GALNT17: variants seen among roughly 807,000 people sequenced by gnomAD.
GALNT17 encodes UDP-GalNAc:polypeptide N-acetylgalactosaminyltransferase-like 3.
Under a neutral mutation model 63.7 loss-of-function variants are expected in GALNT17, and 29 were observed. The observed-to-expected ratio is 0.46, with a 90% CI of 0.34 to 0.62. GALNT17 has a LOEUF of 0.62. Ranked by LOEUF, GALNT17 falls within the 20% of genes least tolerant of loss-of-function variation. GALNT17 has a pLI of 0.01. For synonymous variants in GALNT17, 305 were observed against 318.3 expected (o/e 0.96, Z 0.45); for missense variants, 603 against 799.6 (o/e 0.75, Z 2.97).
chr7:71,525,997 CCCAAAG>C (rs1788617994), intron 5 of GALNT17, among the ~76,000 whole-genome samples: 1 of 152,010 alleles, frequency 6.6e-6, no homozygotes, highest in Admixed American at 6.6e-5. Flanking sequence ...GCCTCGGCCT[CCCAAAG>C]TGCTGGGATT....
chr7:71,424,276 GT>G (rs1158286546), intron 5 of GALNT17, among the ~76,000 whole-genome samples: 43 of 152,242 alleles, frequency 2.8e-4, no homozygotes, highest in African/African-American at 1.0e-3. Context: ...CAGACAGTGA[GT>G]TTCATGTGTT....
intron 1 of GALNT17, among the ~76,000 whole-genome samples, chr7:71,284,858 T>A (rs1297219884): frequency 6.6e-6 from 1 of 152,140 alleles, no homozygotes; most frequent in Admixed American, 6.5e-5. Context: ...TCATTGCATT[T>A]GTTTTTGTGA....
intron 6 of GALNT17, among the ~76,000 whole-genome samples, chr7:71,662,735 T>C (rs1028689010): frequency 6.6e-6 from 1 of 152,270 alleles, no homozygotes; most frequent in African/African-American, 2.4e-5. Flanking sequence ...TATCCCATCA[T>C]ATGGATATGT....
intron 1 of GALNT17, among the ~76,000 whole-genome samples, chr7:71,319,611 A>G (rs987543391): frequency 1.3e-5 from 2 of 152,082 alleles, no homozygotes; most frequent in African/African-American, 4.8e-5. Flanking sequence ...CTTCATTTGG[A>G]TGTCTACTAG....
At chr7:71,614,176 ACC>A (rs1262855350) in intron 6 of GALNT17, among the ~76,000 whole-genome samples, 4 of 152,266 alleles carry the variant, frequency 2.6e-5, no homozygotes, top group African/African-American at 9.6e-5. Flanking sequence ...AGTTGGATCA[ACC>A]CAAATTTTCC....
intron 5 of GALNT17, among the ~76,000 whole-genome samples, chr7:71,509,172 C>T (rs943830412): frequency 6.6e-6 from 1 of 152,150 alleles, no homozygotes; most frequent in Non-Finnish European, 1.5e-5. Flanking sequence ...ATACAGTATT[C>T]AATAAATTAC....
At chr7:71,454,075 G>A (rs936302009) in intron 5 of GALNT17, among the ~76,000 whole-genome samples, 8 of 152,108 alleles carry the variant, frequency 5.3e-5, no homozygotes, top group Non-Finnish European at 8.8e-5. Flanking sequence ...AAGAATGATC[G>A]GGTTCATACA....
intron 9 of GALNT17, among the ~76,000 whole-genome samples, chr7:71,689,391 G>A (rs1363135111): frequency 2.0e-5 from 3 of 152,148 alleles, no homozygotes; most frequent in East Asian, 1.9e-4. Flanking sequence ...GTGAACACAC[G>A]AATGCTAAGA....
chr7:71,561,824 G>A (rs889638553), intron 5 of GALNT17, among the ~76,000 whole-genome samples: 1 of 152,114 alleles, frequency 6.6e-6, no homozygotes, highest in African/African-American at 2.4e-5. Flanking sequence ...CATCCAAGCG[G>A]GAGAATGTCA....
intron 6 of GALNT17, among the ~76,000 whole-genome samples, chr7:71,598,038 A>G (rs1221266536): frequency 6.6e-6 from 1 of 150,802 alleles, no homozygotes. Flanking sequence ...TCCACCTCCC[A>G]GGTTCAAATA....
At chr7:71,410,603 T>G (rs1156883050) in intron 3 of GALNT17, among the ~76,000 whole-genome samples, 1 of 152,238 alleles carries the variant, frequency 6.6e-6, no homozygotes. Flanking sequence ...GGTCAATACT[T>G]GCTCCTGAGC....
intron 5 of GALNT17, among the ~76,000 whole-genome samples, chr7:71,500,838 C>T (rs1019997078): frequency 3.3e-5 from 5 of 152,068 alleles, no homozygotes; most frequent in African/African-American, 4.8e-5. Context: ...TAGTAAGAGC[C>T]GTAGTTTAGC....
intron 5 of GALNT17, among the ~76,000 whole-genome samples, chr7:71,523,411 A>G (rs192919299): frequency 2.7e-4 from 41 of 152,320 alleles, no homozygotes; most frequent in Admixed American, 1.2e-3. Flanking sequence ...CATGGGTGAC[A>G]GAGCGAGACC....
At chr7:71,630,602 G>T (rs760003652) in intron 6 of GALNT17, among the ~76,000 whole-genome samples, 7 of 152,284 alleles carry the variant, frequency 4.6e-5, no homozygotes, top group Non-Finnish European at 1.0e-4. Context: ...TGTTTGCATG[G>T]AATGTAAAAA....
chr7:71,455,218 AAAGG>A (rs1787332954), intron 5 of GALNT17, among the ~76,000 whole-genome samples: 2 of 151,876 alleles, frequency 1.3e-5, no homozygotes, highest in Admixed American at 6.6e-5. Context: ...TGAAACCATC[AAAGG>A]GAGGGGCAGC....
intron 5 of GALNT17, among the ~76,000 whole-genome samples, chr7:71,541,342 C>T (rs1317568928): frequency 2.0e-5 from 3 of 151,820 alleles, no homozygotes; most frequent in Non-Finnish European, 4.4e-5. Flanking sequence ...CACCTGAGGT[C>T]AGGGGTTCAA....
chr7:71,579,246 A>G (rs2116894921), intron 6 of GALNT17, among the ~76,000 whole-genome samples: 1 of 152,290 alleles, frequency 6.6e-6, no homozygotes, highest in East Asian at 1.9e-4. Context: ...GAGATTTCAC[A>G]AACTGGTCTT....
At chr7:71,680,924 G>A (rs1292549298) in intron 9 of GALNT17, among the ~76,000 whole-genome samples, 1 of 147,940 alleles carries the variant, frequency 6.8e-6, no homozygotes, top group Admixed American at 6.8e-5. Flanking sequence ...TTAAGAGATA[G>A]GGTCTTGCTG....
intron 1 of GALNT17, among the ~76,000 whole-genome samples, chr7:71,154,472 A>G (rs1204039370): frequency 6.6e-6 from 1 of 152,226 alleles, no homozygotes; most frequent in Non-Finnish European, 1.5e-5. Context: ...GTACAGCAAT[A>G]ACCAGTTGGA....
Sources: gnomAD v4.1 joint callset for allele counts (sites outside exome capture counted in the v4.1 genomes callset) on GRCh38, gnomAD v4.1.1 for gene constraint, MANE v1.5 for transcripts, NCBI Gene and HGNC (gene_info 2026-07-23, HGNC 2026-07-21) for gene names.